DLG2: variants seen among roughly 807,000 people sequenced by gnomAD.
DLG2 encodes the protein discs large MAGUK scaffold protein 2.
A neutral mutation model predicts 132.5 loss-of-function variants in DLG2; 45 were observed. The observed-to-expected ratio is 0.34, with a 90% CI of 0.27 to 0.44. The LOEUF is 0.44. Ranked by LOEUF, DLG2 falls within the 20% of genes least tolerant of loss-of-function variation. DLG2 has a pLI of 1.00. For missense variants in DLG2, 1,045 were observed against 1,196.9 expected (o/e 0.87, Z 1.87); for synonymous variants, 424 against 419.6 (o/e 1.01, Z -0.13).
At chr11:84,068,168 A>G (rs2096707176) in intron 10 of DLG2, among the ~76,000 whole-genome samples, 1 of 152,266 alleles carries the variant, frequency 6.6e-6, no homozygotes, top group African/African-American at 2.4e-5. Context: ...AAGTAGATCT[A>G]TAGGAAGAAG....
intron 6 of DLG2, among the ~76,000 whole-genome samples, chr11:85,046,720 T>A (rs2062383131): frequency 6.6e-6 from 1 of 151,954 alleles, no homozygotes; most frequent in African/African-American, 2.4e-5. Flanking sequence ...TAGGTGTCTG[T>A]CTTTCTGATC....
intron 3 of DLG2, among the ~76,000 whole-genome samples, chr11:85,373,703 T>C (rs1188090755): frequency 6.6e-6 from 1 of 152,196 alleles, no homozygotes; most frequent in Non-Finnish European, 1.5e-5. Context: ...TAAGAGTCCC[T>C]GTTTTCCCCT....
At chr11:83,485,996 C>T (rs1168104088) in intron 21 of DLG2, among the ~76,000 whole-genome samples, 2 of 152,038 alleles carry the variant, frequency 1.3e-5, no homozygotes, top group African/African-American at 4.8e-5. Flanking sequence ...ATATACTTTA[C>T]ATTCAAGTAC....
At chr11:85,067,718 C>G (rs1489908204) in intron 6 of DLG2, among the ~76,000 whole-genome samples, 5 of 151,800 alleles carry the variant, frequency 3.3e-5, no homozygotes. Flanking sequence ...CAAGGAGGAG[C>G]TGGTACAAGG....
intron 6 of DLG2, among the ~76,000 whole-genome samples, chr11:84,870,472 G>T (rs983649979): frequency 6.6e-6 from 1 of 152,082 alleles, no homozygotes; most frequent in African/African-American, 2.4e-5. Context: ...TTTCCTCCCC[G>T]ATTAATAGGA....
chr11:84,586,119 G>A (rs2099529136), intron 6 of DLG2, among the ~76,000 whole-genome samples: 1 of 142,104 alleles, frequency 7.0e-6, no homozygotes, highest in South Asian at 2.1e-4. Context: ...CCACTGCACT[G>A]CAGCCGGGGT....
At chr11:83,738,808 T>G (rs2092245020) in intron 18 of DLG2, among the ~76,000 whole-genome samples, 1 of 152,082 alleles carries the variant, frequency 6.6e-6, no homozygotes. Flanking sequence ...TGATGGGTCC[T>G]TGTTGTCTGC....
chr11:85,186,563 C>G (rs2080114188), intron 4 of DLG2, among the ~76,000 whole-genome samples: 1 of 152,006 alleles, frequency 6.6e-6, no homozygotes, highest in Non-Finnish European at 1.5e-5. Context: ...TAGAATGACC[C>G]AATTTACCTT....
rs79171705 is a variant in DLG2, at chr11:84,947,383, G to C, written c.357+164278C>G. Among the ~76,000 whole-genome samples, 106 of 152,170 alleles carry C rather than the reference G, an allele frequency of 7.0e-4. 1 individual carries two copies. In the East Asian group the frequency reaches 0.01, roughly 15 times the overall value. On this transcript the variant is annotated intron_variant, in intron 6 of 27. Coordinates refer to ENST00000376104, the MANE Select transcript of DLG2 (RefSeq NM_001142699.3). Reference sequence around the variant, plus strand: ...AACTGGCTCAAAATGGTGATGACTTGGTCAATGACTGCCAGCTTCCCTAAT... The same window carrying C: ...AACTGGCTCAAAATGGTGATGACTTCGTCAATGACTGCCAGCTTCCCTAAT...
intron 6 of DLG2, among the ~76,000 whole-genome samples, chr11:84,570,651 G>C (rs548715598): frequency 2.6e-5 from 4 of 152,192 alleles, no homozygotes; most frequent in Admixed American, 2.6e-4. Context: ...TCCACCCCTT[G>C]TCAACTTCTA....
chr11:84,082,095 G>T (rs2096912865), intron 10 of DLG2, among the ~76,000 whole-genome samples: 2 of 152,066 alleles, frequency 1.3e-5, no homozygotes, highest in African/African-American at 4.8e-5. Context: ...ATTTTTTCAT[G>T]TGTCTGTTGG....
chr11:84,509,490 T>G (rs1326261613), intron 7 of DLG2, among the ~76,000 whole-genome samples: 2 of 152,190 alleles, frequency 1.3e-5, no homozygotes, highest in Non-Finnish European at 2.9e-5. Context: ...TATTCCCTAG[T>G]GATATTTCTC....
intron 15 of DLG2, among the ~76,000 whole-genome samples, chr11:83,894,608 G>A (rs541071282): frequency 6.6e-6 from 1 of 152,022 alleles, no homozygotes; most frequent in East Asian, 1.9e-4. Flanking sequence ...AGGGTAACTG[G>A]GATATCTATC....
intron 8 of DLG2, among the ~76,000 whole-genome samples, chr11:84,230,406 C>G (rs558430857): frequency 6.6e-6 from 1 of 152,144 alleles, no homozygotes; most frequent in Non-Finnish European, 1.5e-5. Flanking sequence ...ATCTCAGCAT[C>G]TAGCTTGCCG....
At chr11:85,216,044 C>G (rs1164152338) in intron 4 of DLG2, among the ~76,000 whole-genome samples, 2 of 149,230 alleles carry the variant, frequency 1.3e-5, no homozygotes, top group African/African-American at 2.5e-5. Flanking sequence ...CAGACTGGCA[C>G]AATGATGTGC....
At chr11:84,761,013 T>C (rs1486038929) in intron 6 of DLG2, among the ~76,000 whole-genome samples, 1 of 152,168 alleles carries the variant, frequency 6.6e-6, no homozygotes, top group Non-Finnish European at 1.5e-5. Context: ...TCTGGGACAC[T>C]GGGCAAGAGC....
chr11:83,614,431 T>C lies in DLG2; in HGVS notation c.1940+18780A>G, dbSNP rs140165455. 3.1e-3 allele frequency among the ~76,000 whole-genome samples: 467 copies of C among 152,182 alleles called. 7 individuals are homozygous for C. The highest frequency in any genetic ancestry group is 0.011 in the African/African-American group (445 of 41,536). On this transcript the variant is annotated intron_variant, in intron 19 of 27. Transcript: ENST00000376104. ...AGCGTGCTTTAATAGAAAAAAATAATAAACAAGCTGGGAGCGATAGATCAT... is the reference window on the plus strand; with the variant it reads ...AGCGTGCTTTAATAGAAAAAAATAACAAACAAGCTGGGAGCGATAGATCAT...
At chr11:84,138,871 C>T (rs1022430243) in intron 9 of DLG2, among the ~76,000 whole-genome samples, 1 of 150,094 alleles carries the variant, frequency 6.7e-6, no homozygotes, top group Non-Finnish European at 1.5e-5. Context: ...ATTGCTTGAA[C>T]CCAAGAGGGG....
At chr11:84,444,943 C>T (rs1441115674) in intron 7 of DLG2, among the ~76,000 whole-genome samples, 3 of 152,026 alleles carry the variant, frequency 2.0e-5, no homozygotes, top group South Asian at 2.1e-4. Context: ...GCTGGGATTA[C>T]AGGCACGTGC....
Sources: allele counts gnomAD v4.1 joint callset (sites outside exome capture counted in the v4.1 genomes callset), GRCh38; gene constraint gnomAD v4.1.1; transcripts MANE v1.5; gene names NCBI Gene and HGNC (gene_info 2026-07-23, HGNC 2026-07-21).